LEPR: variants seen among roughly 807,000 people sequenced by gnomAD.
LEPR encodes the protein leptin receptor.
LEPR carries 56 observed loss-of-function variants against 114.7 expected under a neutral mutation model. The observed-to-expected ratio is 0.49, with a 90% CI of 0.39 to 0.61. The LOEUF is 0.61. Ranked by LOEUF, LEPR falls within the 20% of genes least tolerant of loss-of-function variation. The probability of loss-of-function intolerance (pLI) is 0.00; values close to 1 mark genes in which losing one functional copy is unlikely to be tolerated. For missense variants in LEPR, 1,202 were observed against 1,352.9 expected (o/e 0.89, Z 1.75); for synonymous variants, 443 against 461.4 (o/e 0.96, Z 0.51).
Position 65,602,019 on chromosome 1 carries a change from T to C in LEPR, c.1403+59T>C, listed in dbSNP as rs530611261. Reference sequence around the variant, plus strand: ...GGGCACAGTGAGATAAAAATTTTCTTTAGAAATATTACAACAGTAGTCTTA... The same window carrying C: ...GGGCACAGTGAGATAAAAATTTTCTCTAGAAATATTACAACAGTAGTCTTA... On this transcript the variant is annotated intron_variant, in intron 10 of 19. Transcript: ENST00000349533. 1.9e-5 allele frequency: 26 copies of C among 1,376,334 alleles called. No homozygotes were observed. In the African/African-American group the frequency reaches 3.1e-4, roughly 17 times the overall value. 85.3% of individuals were successfully genotyped at this position (1,376,334 alleles called of 1,614,324 possible).
chr1:65,461,431 G>A (rs1488221533), intron 2 of LEPR, among the ~76,000 whole-genome samples: 2 of 152,222 alleles, frequency 1.3e-5, no homozygotes, highest in African/African-American at 4.8e-5. Context: ...CACAACGATG[G>A]GGATATGTTA....
At chr1:65,546,283 C>T (rs907174979) in intron 2 of LEPR, among the ~76,000 whole-genome samples, 38 of 152,246 alleles carry the variant, frequency 2.5e-4, no homozygotes, top group Middle Eastern at 3.4e-3. Flanking sequence ...ATTGACTTGG[C>T]GATGCGGGCT....
At position 65,431,666 on chromosome 1, in the gene LEPR, T is replaced by C. The variant is rs935501314; in HGVS notation, c.-21+6288T>C. The C allele has an allele frequency of 5.1e-6, 4 of 790,768 alleles. No individual in the cohort carries two copies. The African/African-American group carries it at 7.0e-5, about 14-fold the overall frequency. 49.0% of individuals were successfully genotyped at this position (790,768 alleles called of 1,614,324 possible). A position where few individuals can be genotyped will look rare whatever the true frequency, so the allele number is the denominator to read the frequency against. On this transcript the variant is annotated intron_variant, in intron 2 of 19. Coordinates refer to ENST00000349533, the MANE Select transcript of LEPR (RefSeq NM_002303.6). ...ACTCATTACTGAACAGTTCATTGTCTCCTGTTACATTATTAAGCCTTTTAG... is the reference window on the plus strand; with the variant it reads ...ACTCATTACTGAACAGTTCATTGTCCCCTGTTACATTATTAAGCCTTTTAG...
Position 65,633,810 on chromosome 1 carries a change from C to T in LEPR, c.2674-2381C>T, listed in dbSNP as rs755054632. 131 of 985,532 alleles carry T rather than the reference C, an allele frequency of 1.3e-4. 1 individual carries two copies. Among genetic ancestry groups the T allele is most frequent in the African/African-American group, 1.1e-3 (64 of 57,300 alleles). 61.0% of individuals were successfully genotyped at this position (985,532 alleles called of 1,614,324 possible). On this transcript the variant is annotated intron_variant, in intron 19 of 19. Transcript: ENST00000349533. The surrounding 1 kb of genome is among the most constrained non-coding windows in gnomAD (Gnocchi z 4.1). ...TGAAAATGGCTTAAGTGATAACTTC[C>T]GTTTCAGTTAAAAGGAAGCCCGAAG...
chr1:65,586,828 A>C (rs1655348805), intron 5 of LEPR, among the ~76,000 whole-genome samples: 1 of 152,030 alleles, frequency 6.6e-6, no homozygotes. Context: ...ACCAACAAAC[A>C]ATGAATTACT....
At chr1:65,440,030 A>T (rs1398960325) in intron 2 of LEPR, among the ~76,000 whole-genome samples, 3 of 150,492 alleles carry the variant, frequency 2.0e-5, no homozygotes, top group Non-Finnish European at 1.5e-5. Context: ...AAAAAGAAAA[A>T]GAAAATTGAC....
At chr1:65,536,420 C>G (rs1650781231) in intron 2 of LEPR, among the ~76,000 whole-genome samples, 1 of 152,072 alleles carries the variant, frequency 6.6e-6, no homozygotes, top group Non-Finnish European at 1.5e-5. Context: ...GCCAAGAAAC[C>G]TTTTTTCTTC....
intron 2 of LEPR, among the ~76,000 whole-genome samples, chr1:65,481,144 C>T (rs1040433935): frequency 6.6e-6 from 1 of 152,176 alleles, no homozygotes; most frequent in Non-Finnish European, 1.5e-5. Context: ...TGTGTGCAGG[C>T]ATGCCTGCTG....
intron 5 of LEPR, among the ~76,000 whole-genome samples, chr1:65,583,439 C>T (rs912305900): frequency 2.6e-5 from 4 of 152,094 alleles, no homozygotes; most frequent in Admixed American, 6.5e-5. Context: ...TTCAAGTTCC[C>T]ACAAACGAGA....
chr1:65,472,601 A>AGT (rs1197993721), intron 2 of LEPR, among the ~76,000 whole-genome samples: 2 of 127,378 alleles, frequency 1.6e-5, no homozygotes, highest in African/African-American at 3.5e-5. Flanking sequence ...TAATTAAATG[A>AGT]GTGTATATAT....
intron 5 of LEPR, among the ~76,000 whole-genome samples, chr1:65,587,610 A>G (rs1655397639): frequency 6.6e-6 from 1 of 152,046 alleles, no homozygotes; most frequent in African/African-American, 2.4e-5. Flanking sequence ...ATGGCTAATA[A>G]GCAAACAGAA....
chr1:65,433,179 A>G (rs1009190333), intron 2 of LEPR: 2 of 982,952 alleles, frequency 2.0e-6, no homozygotes, highest in African/African-American at 1.8e-5. Flanking sequence ...CCCCACCCCT[A>G]CTCCTCAACA....
At chr1:65,447,117 C>CT (rs960729884) in intron 2 of LEPR, among the ~76,000 whole-genome samples, 14 of 149,958 alleles carry the variant, frequency 9.3e-5, no homozygotes, top group South Asian at 4.2e-4. Context: ...AATTTATCAT[C>CT]TTTTTTTTTT....
At chr1:65,625,172 A>G (rs1658124840) in intron 19 of LEPR, among the ~76,000 whole-genome samples, 2 of 152,212 alleles carry the variant, frequency 1.3e-5, no homozygotes, top group Admixed American at 6.5e-5. Context: ...CATGGTGAGT[A>G]TTTATATGTA....
At chr1:65,455,737 TTGTC>T (rs571813747) in intron 2 of LEPR, among the ~76,000 whole-genome samples, 81 of 152,314 alleles carry the variant, frequency 5.3e-4, no homozygotes, top group African/African-American at 1.9e-3. Context: ...GTCTTTTTGT[TTGTC>T]TGTGCCCTGC....
chr1:65,553,829 C>T (rs537260023), intron 2 of LEPR, among the ~76,000 whole-genome samples: 67 of 152,272 alleles, frequency 4.4e-4, no homozygotes, highest in African/African-American at 1.6e-3. Context: ...CGTTTTTCCT[C>T]ATCTTCATGG....
chr1:65,536,393 C>A (rs143685969), intron 2 of LEPR, among the ~76,000 whole-genome samples: 4 of 152,178 alleles, frequency 2.6e-5, no homozygotes, highest in Non-Finnish European at 5.9e-5. Flanking sequence ...CTTCTTGTAT[C>A]GCCTGTGGAA....
At chr1:65,470,543 A>T (rs1281608583) in intron 2 of LEPR, among the ~76,000 whole-genome samples, 1 of 152,216 alleles carries the variant, frequency 6.6e-6, no homozygotes, top group Non-Finnish European at 1.5e-5. Flanking sequence ...TGAATAATGT[A>T]AATCCCTAGT....
At chr1:65,458,722 G>T in intron 2 of LEPR, among the ~76,000 whole-genome samples, 1 of 151,992 alleles carries the variant, frequency 6.6e-6, no homozygotes, top group East Asian at 1.9e-4. Flanking sequence ...CTGAATCTTT[G>T]GTTTGGTGTC....
Sources: gnomAD v4.1 joint callset for allele counts (sites outside exome capture counted in the v4.1 genomes callset) on GRCh38, gnomAD v4.1.1 for gene constraint, Gnocchi (gnomAD v3.1) non-coding constraint, MANE v1.5 for transcripts, NCBI Gene and HGNC (gene_info 2026-07-23, HGNC 2026-07-21) for gene names.